The following LINC00305 variants were observed in gnomAD, a reference collection of about 807,000 sequenced individuals.
LINC00305 encodes long independently transcribed non-coding RNA 305.
intron 1 of LINC00305, among the ~76,000 whole-genome samples, chr18:64,101,273 T>C (rs1436561850): frequency 6.6e-6 from 1 of 152,160 alleles, no homozygotes; most frequent in East Asian, 1.9e-4. Context: ...AGGGTAAAGA[T>C]AACAGTGCTC....
At chr18:64,112,419 A>G (rs34260505) in intron 1 of LINC00305, among the ~76,000 whole-genome samples, 1 of 152,002 alleles carries the variant, frequency 6.6e-6, no homozygotes, top group Non-Finnish European at 1.5e-5. Flanking sequence ...AGGCAGATTT[A>G]CCAGGAAAAT....
intron 1 of LINC00305, among the ~76,000 whole-genome samples, chr18:64,118,615 G>A (rs1294112765): frequency 6.6e-6 from 1 of 152,064 alleles, no homozygotes; most frequent in African/African-American, 2.4e-5. Context: ...GACACATTCT[G>A]CGTGGAATGC....
intron 1 of LINC00305, among the ~76,000 whole-genome samples, chr18:64,117,689 T>G (rs919757511): frequency 2.4e-4 from 37 of 152,152 alleles, no homozygotes; most frequent in Non-Finnish European, 4.7e-4. Flanking sequence ...ACCCCACTGG[T>G]TCACTCAAGT....
At chr18:64,098,119 A>G in intron 2 of LINC00305, 1 of 385,312 alleles carries the variant, frequency 2.6e-6, no homozygotes, top group Admixed American at 3.0e-5. Context: ...AACATTGTCC[A>G]TTAAAGATAA....
At chr18:64,133,336 G>C (rs2051418540) in intron 1 of LINC00305, among the ~76,000 whole-genome samples, 2 of 152,216 alleles carry the variant, frequency 1.3e-5, no homozygotes, top group Non-Finnish European at 2.9e-5. Context: ...GGTGGATGGA[G>C]AAGAGCAGTC....
chr18:64,143,086 TG>T (rs1421309091), intron 1 of LINC00305, among the ~76,000 whole-genome samples: 1 of 152,084 alleles, frequency 6.6e-6, no homozygotes, highest in Non-Finnish European at 1.5e-5. Context: ...GAGTTAAAGA[TG>T]TAAGAGTAAA....
chr18:64,104,800 G>C (rs1053651003), intron 1 of LINC00305, among the ~76,000 whole-genome samples: 4 of 152,006 alleles, frequency 2.6e-5, no homozygotes, highest in Non-Finnish European at 5.9e-5. Context: ...GGACCGGTCT[G>C]GACACTCACC....
At chr18:64,116,971 A>G (rs2051340579) in intron 1 of LINC00305, among the ~76,000 whole-genome samples, 1 of 152,118 alleles carries the variant, frequency 6.6e-6, no homozygotes, top group African/African-American at 2.4e-5. Flanking sequence ...AATTCACACA[A>G]CGGCATTTTT....
At chr18:64,082,693 C>T (rs1304363914) in intron 3 of LINC00305, among the ~76,000 whole-genome samples, 1 of 152,162 alleles carries the variant, frequency 6.6e-6, no homozygotes, top group Non-Finnish European at 1.5e-5. Context: ...CCTCTTTCAC[C>T]TGCACACTAA....
At chr18:64,135,616 C>T (rs895457496) in intron 1 of LINC00305, among the ~76,000 whole-genome samples, 5 of 152,108 alleles carry the variant, frequency 3.3e-5, no homozygotes, top group East Asian at 1.9e-4. Context: ...GACAGAGTCT[C>T]GCTCTGTTGC....
intron 3 of LINC00305, among the ~76,000 whole-genome samples, chr18:64,087,110 A>T (rs2051206359): frequency 6.6e-6 from 1 of 152,358 alleles, no homozygotes; most frequent in Non-Finnish European, 1.5e-5. Context: ...ATTAGGAAAT[A>T]ATTATTATAC....
intron 1 of LINC00305, among the ~76,000 whole-genome samples, chr18:64,122,568 T>C (rs771797647): frequency 1.3e-5 from 2 of 152,180 alleles, no homozygotes; most frequent in Non-Finnish European, 2.9e-5. Flanking sequence ...ACCAGTACTA[T>C]ACTGTTTTGG....
At chr18:64,120,994 A>T (rs185054844) in intron 1 of LINC00305, among the ~76,000 whole-genome samples, 1 of 152,256 alleles carries the variant, frequency 6.6e-6, no homozygotes. Flanking sequence ...GGTAAACTTT[A>T]AAATTTTTTT....
intron 1 of LINC00305, among the ~76,000 whole-genome samples, chr18:64,126,745 C>T (rs1368248933): frequency 6.6e-6 from 1 of 152,076 alleles, no homozygotes; most frequent in African/African-American, 2.4e-5. Flanking sequence ...TGCTTACAGA[C>T]TTTTCATCTT....
At chr18:64,136,570 C>G (rs1463483495) in intron 1 of LINC00305, among the ~76,000 whole-genome samples, 1 of 152,282 alleles carries the variant, frequency 6.6e-6, no homozygotes, top group East Asian at 1.9e-4. Flanking sequence ...CCTGGTCCCA[C>G]CCTTGACACC....
chr18:64,122,788 T>A (rs2144260572), intron 1 of LINC00305, among the ~76,000 whole-genome samples: 1 of 152,256 alleles, frequency 6.6e-6, no homozygotes, highest in East Asian at 1.9e-4. Context: ...ATTGTCATTT[T>A]AATGATATCA....
chr18:64,082,022 G>T (rs2051187017), intron 3 of LINC00305, among the ~76,000 whole-genome samples: 1 of 152,090 alleles, frequency 6.6e-6, no homozygotes, highest in African/African-American at 2.4e-5. Context: ...TGTGATAAAA[G>T]CCCTTTCCTG....
chr18:64,148,893 G>A (rs2051511602), exon 1 of LINC00305: 1 of 152,250 alleles, frequency 6.6e-6, no homozygotes, highest in African/African-American at 2.4e-5. Flanking sequence ...ATTTGTACTT[G>A]TGCCACTCTG....
chr18:64,126,950 A>T (rs2051388032), intron 1 of LINC00305, among the ~76,000 whole-genome samples: 1 of 152,126 alleles, frequency 6.6e-6, no homozygotes, highest in Non-Finnish European at 1.5e-5. Context: ...GATTGCAGGA[A>T]AATTTTTTTC....
Sources: allele counts gnomAD v4.1 joint callset (sites outside exome capture counted in the v4.1 genomes callset), GRCh38; gene constraint gnomAD v4.1.1; transcripts MANE v1.5; gene names NCBI Gene and HGNC (gene_info 2026-07-23, HGNC 2026-07-21).